The following HMCN2 variants were observed in gnomAD, a reference collection of about 807,000 sequenced individuals.
HMCN2 encodes hemicentin 2.
In HMCN2, 325 loss-of-function variants were observed where a neutral mutation model predicts 377.5. That is an observed-to-expected ratio of 0.86 (90% CI 0.79 to 0.94). HMCN2 has a LOEUF of 0.94. Ranked by LOEUF, HMCN2 falls within the 40% of genes least tolerant of loss-of-function variation. The probability of loss-of-function intolerance (pLI) is 0.00; values close to 1 mark genes in which losing one functional copy is unlikely to be tolerated. For missense variants in HMCN2, 4,543 were observed against 4,725.3 expected, an observed-to-expected ratio of 0.96 and a Z score of 1.13; for synonymous variants, 2,007 against 2,046.8, an observed-to-expected ratio of 0.98 and a Z score of 0.53.
chr9:130,287,236 C>T (rs1448244774), intron 4 of HMCN2, among the ~76,000 whole-genome samples: 2 of 152,150 alleles, frequency 1.3e-5, no homozygotes, highest in Non-Finnish European at 2.9e-5. Flanking sequence ...TATCTGACCC[C>T]TCTGCCTTTC....
intron 1 of HMCN2, among the ~76,000 whole-genome samples, chr9:130,271,366 A>C (rs1834396885): frequency 6.7e-6 from 1 of 148,786 alleles, no homozygotes; most frequent in Non-Finnish European, 1.5e-5. Context: ...GATTATTTGG[A>C]ATTATTCTGC....
chr9:130,336,737 G>A (rs890704172), intron 22 of HMCN2, among the ~76,000 whole-genome samples: 1 of 152,318 alleles, frequency 6.6e-6, no homozygotes, highest in East Asian at 1.9e-4. Context: ...CTCTGCAGAT[G>A]GGGAGACAGA....
intron 1 of HMCN2, among the ~76,000 whole-genome samples, chr9:130,272,783 C>T (rs960275578): frequency 6.6e-6 from 1 of 152,184 alleles, no homozygotes; most frequent in Non-Finnish European, 1.5e-5. Context: ...GTCTTGAACT[C>T]CTGGGCTCAA....
At position 130,354,910 on chromosome 9, in the gene HMCN2, A is replaced by G. The variant is rs1195322698; in HGVS notation, c.5012A>G (p.Asn1671Ser). ...GAGGGGCTGCCCGTGGCAGAGAGCA[A>G]CGAGTCGCGGCTGGAGACAGACGGG... The part of the protein sequence containing the change: ...HHEGLPVAES[N>S]ESRLETDGSV... The change falls in exon 32 of 98, where the codon AAC (asparagine) becomes AGC (serine). Residue 1671 changes from asparagine to serine, a missense_variant. Physicochemically the swap from Asn to Ser is conservative, Grantham distance 46 (BLOSUM62 1). This residue lies in a region of HMCN2 where 1,032 missense variants were observed against 1,285.1 expected (regional missense o/e 0.80). Coordinates refer to ENST00000683500, the MANE Select transcript of HMCN2 (RefSeq NM_001291815.2). 2.3e-6 allele frequency: 3 copies of G among 1,304,056 alleles called. No homozygotes were observed. The highest frequency in any genetic ancestry group is 1.2e-5 in the South Asian group (1 of 81,030). The allele number at this position is 1,304,056 out of a possible 1,614,324, so 80.8% of individuals were successfully genotyped here.
rs1839032690 is a variant in HMCN2, at chr9:130,341,266, C to T, written c.3643C>T (p.His1215Tyr). 2 of 152,306 alleles carry T rather than the reference C, an allele frequency of 1.3e-5. No homozygotes were observed. The highest frequency in any genetic ancestry group is 4.8e-5 in the African/African-American group (2 of 41,472). The allele number at this position is 152,306 out of a possible 1,614,324, so 9.4% of individuals were successfully genotyped here. ...LQGRGPQGSV[H>Y]FAAIRTSDAG... ...GGGCCGGGGGCCTCAGGGCTCCGTC[C>T]ACTTCGCAGCCATCAGAACCTCTGA... Residue 1215 changes from histidine to tyrosine, a missense_variant, in exon 24 of 98, where the codon CAC becomes TAC. By Grantham distance (83) the His-to-Tyr change is moderately conservative. Transcript: ENST00000683500.
rs1365172670 is a variant in HMCN2, at chr9:130,403,278, T to TC, written c.11968dup (p.Arg3990ProfsTer45). 7.8e-7 allele frequency: 1 copy of TC among 1,289,452 alleles called. No individual in the cohort carries two copies. The highest frequency in any genetic ancestry group is 5.6e-5 in the East Asian group (1 of 18,004). The allele number at this position is 1,289,452 out of a possible 1,614,324, so 79.9% of individuals were successfully genotyped here. On this transcript the variant is annotated frameshift_variant, in exon 79 of 98. Transcript: ENST00000683500. LOFTEE classifies it high-confidence loss of function. ...CTGCTGCCCTGCGAGGCCTCAGGCA[T>TC]CCCCCGGCCGACCATCACCTGGCAG...
intron 1 of HMCN2, among the ~76,000 whole-genome samples, chr9:130,277,910 C>T (rs367740178): frequency 0.012 from 180 of 14,596 alleles, 42 homozygotes; most frequent in East Asian, 0.042. Context: ...ATCATCATCA[C>T]CACCACCACC....
intron 15 of HMCN2, among the ~76,000 whole-genome samples, chr9:130,319,238 C>T (rs1160249322): frequency 6.6e-6 from 1 of 152,104 alleles, no homozygotes; most frequent in Non-Finnish European, 1.5e-5. Context: ...CTGCTCCCTC[C>T]CCTGCACCTC....
rs368155927 is a variant in HMCN2 at position 130,283,740 on chromosome 9, A to G, written c.260-863A>G. ...GGGAGGTGCCCCTGTTGTTGCCTAT[A>G]TTGGTAGTTGTCCTGTCTTATTGCT... On this transcript the variant is annotated intron_variant, in intron 1 of 97. Coordinates refer to ENST00000683500, the MANE Select transcript of HMCN2 (RefSeq NM_001291815.2). Among the ~76,000 whole-genome samples the G allele has an allele frequency of 3.6e-4, 55 of 152,112 alleles. 1 individual carries two copies. Among genetic ancestry groups the G allele is most frequent in the African/African-American group, 1.2e-3 (50 of 41,488 alleles).
At position 130,403,757 on chromosome 9, in the gene HMCN2, C is replaced by G. The variant is rs776681789; in HGVS notation, c.12030C>G (p.Val4010=). The G allele has an allele frequency of 3.1e-6, 4 of 1,289,830 alleles. No homozygotes were observed. The allele number at this position is 1,289,830 out of a possible 1,614,324, so 79.9% of individuals were successfully genotyped here. The change falls in exon 80 of 98, where the codon GTC becomes GTG. Residue 4010 remains valine (V), a synonymous_variant. Coordinates refer to ENST00000683500, the MANE Select transcript of HMCN2 (RefSeq NM_001291815.2). ...CTCGTTCAGGAGTGAGTACCCAGGT[C>G]CTACCAGGCGGACAGCTGCGGATTG... The part of the protein sequence containing the change: ...LNVATGVSTQ[V]LPGGQLRIAH...
chr9:130,331,435 A>C (rs1311559213), intron 22 of HMCN2, among the ~76,000 whole-genome samples: 1 of 152,152 alleles, frequency 6.6e-6, no homozygotes, highest in African/African-American at 2.4e-5. Context: ...TGCAAATTCA[A>C]AATTGAAGTC....
chr9:130,342,351 G>C lies in HMCN2; in HGVS notation c.3744G>C (p.Glu1248Asp), dbSNP rs1032977521. The C allele has an allele frequency of 6.6e-6, 1 of 152,426 alleles. No homozygotes were observed. The highest frequency in any genetic ancestry group is 2.1e-4 in the South Asian group (1 of 4,832). The allele number at this position is 152,426 out of a possible 1,614,324, so 9.4% of individuals were successfully genotyped here. A position where few individuals can be genotyped will look rare whatever the true frequency, so the allele number is the denominator to read the frequency against. Residue 1248 changes from glutamate to aspartate, a missense_variant and splice_region_variant, in exon 25 of 98, where the codon GAG (glutamate) becomes GAC (aspartate). By Grantham distance (45) the Glu-to-Asp change is conservative. This residue lies in a region of HMCN2 where 547 missense variants were observed against 189.9 expected (regional missense o/e 2.88). Transcript: ENST00000683500. ...TGTGGCCATGTTGCCTCCCTACAGA[G>C]CCACCACACTGGGGGGCTGATGAGA... ...DAWEVELRVL[E>D]PPHWGADETS...
At chr9:130,309,358 A>G (rs948521470) in intron 14 of HMCN2, among the ~76,000 whole-genome samples, 2 of 151,858 alleles carry the variant, frequency 1.3e-5, no homozygotes, top group African/African-American at 2.4e-5. Flanking sequence ...CACCAAAAAT[A>G]TAAAAAATTA....
Position 130,290,539 on chromosome 9 carries a change from C to T in HMCN2, c.612+4229C>T, listed in dbSNP as rs562729172. ...CAAGGCCTGGCCCGGGGGAAGGGGACGGTGGTAACGGACCTGCTTCTTTGC... is the reference window on the plus strand; with the variant it reads ...CAAGGCCTGGCCCGGGGGAAGGGGATGGTGGTAACGGACCTGCTTCTTTGC... On this transcript the variant is annotated intron_variant, in intron 4 of 97. Coordinates refer to ENST00000683500, the MANE Select transcript of HMCN2 (RefSeq NM_001291815.2). Among the ~76,000 whole-genome samples the T allele has an allele frequency of 1.6e-4, 25 of 152,288 alleles. No individual in the cohort carries two copies. The South Asian group carries it at 1.9e-3, about 11-fold the overall frequency.
At chr9:130,295,386 A>C (rs1836070690) in intron 5 of HMCN2, among the ~76,000 whole-genome samples, 1 of 151,972 alleles carries the variant, frequency 6.6e-6, no homozygotes, top group African/African-American at 2.4e-5. Context: ...AGGTCAACAG[A>C]GTCAGGGGAA....
chr9:130,331,205 A>G (rs1838410270), intron 22 of HMCN2, among the ~76,000 whole-genome samples: 1 of 150,954 alleles, frequency 6.6e-6, no homozygotes, highest in Non-Finnish European at 1.5e-5. Flanking sequence ...CTCGGCTCCC[A>G]TCATCGCTAA....
intron 94 of HMCN2, 57 bp downstream of exon 94, chr9:130,429,742 A>T (rs936010332): frequency 7.7e-7 from 1 of 1,297,330 alleles, no homozygotes; most frequent in Non-Finnish European, 1.0e-6. Context: ...GGGTTACCGG[A>T]TGCAGGGCCC....
chr9:130,397,373 A>C (rs1842657307), intron 73 of HMCN2, among the ~76,000 whole-genome samples, 155 bp from the exon 74 acceptor site: 1 of 152,168 alleles, frequency 6.6e-6, no homozygotes, highest in Admixed American at 6.5e-5. Context: ...GAATTATGGG[A>C]GCTACAAGAT....
intron 1 of HMCN2, among the ~76,000 whole-genome samples, chr9:130,267,007 G>A (rs1472683041): frequency 1.3e-5 from 2 of 151,954 alleles, no homozygotes; most frequent in Admixed American, 6.6e-5. Flanking sequence ...GTGCAGTGGC[G>A]TGATCACAGC....
Sources: gnomAD v4.1 joint callset for allele counts (sites outside exome capture counted in the v4.1 genomes callset) on GRCh38, gnomAD v4.1.1 for gene constraint, gnomAD v4.1.1 regional missense constraint, MANE v1.5 for transcripts, NCBI Gene and HGNC (gene_info 2026-07-23, HGNC 2026-07-21) for gene names.